The following CLMN variants were observed in gnomAD, a reference collection of about 807,000 sequenced individuals.
CLMN encodes the protein calmin.
In CLMN, 57 loss-of-function variants were observed where a neutral mutation model predicts 92.7. The observed-to-expected ratio is 0.61, with a 90% CI of 0.50 to 0.77. The LOEUF is 0.77. Ranked by LOEUF, CLMN falls within the 30% of genes least tolerant of loss-of-function variation. The pLI is 0.00. For synonymous variants in CLMN, 466 were observed against 470.6 expected (o/e 0.99, Z 0.13); for missense variants, 1,158 against 1,237.5 (o/e 0.94, Z 0.96).
At chr14:95,225,650 C>T (rs895115798) in intron 2 of CLMN, among the ~76,000 whole-genome samples, 46 of 152,234 alleles carry the variant, frequency 3.0e-4, no homozygotes, top group African/African-American at 1.1e-3. Flanking sequence ...GAAACACCTT[C>T]TCTCTGCCCC....
At chr14:95,261,307 G>T (rs150782045) in intron 1 of CLMN, among the ~76,000 whole-genome samples, 5 of 152,180 alleles carry the variant, frequency 3.3e-5, no homozygotes, top group African/African-American at 1.2e-4. Flanking sequence ...CGCTGGGAAC[G>T]TGCGCGTCTG....
At chr14:95,224,147 T>C in intron 2 of CLMN, among the ~76,000 whole-genome samples, 1 of 152,246 alleles carries the variant, frequency 6.6e-6, no homozygotes, top group East Asian at 1.9e-4. Flanking sequence ...ACCCCACGTT[T>C]AGATCACATC....
At chr14:95,245,962 C>G (rs1898555982) in intron 1 of CLMN, among the ~76,000 whole-genome samples, 1 of 152,042 alleles carries the variant, frequency 6.6e-6, no homozygotes, top group Non-Finnish European at 1.5e-5. Flanking sequence ...CTTTTCTACT[C>G]TTTGCATTTG....
At chr14:95,245,830 AGGTG>A (rs1898545338) in intron 1 of CLMN, among the ~76,000 whole-genome samples, 2 of 97,944 alleles carry the variant, frequency 2.0e-5, no homozygotes, top group African/African-American at 8.8e-5. Flanking sequence ...ATGGATGGAT[AGGTG>A]GGTGGGTGGG....
intron 1 of CLMN, among the ~76,000 whole-genome samples, chr14:95,300,957 T>C (rs536666331): frequency 2.6e-5 from 4 of 152,362 alleles, no homozygotes; most frequent in Non-Finnish European, 4.4e-5. Context: ...AGGGCTCTGG[T>C]TGGTTTGACT....
intron 1 of CLMN, among the ~76,000 whole-genome samples, chr14:95,292,530 A>C (rs1212778316): frequency 2.0e-5 from 3 of 146,658 alleles, no homozygotes; most frequent in Non-Finnish European, 3.0e-5. Flanking sequence ...TGTCTCCCTT[A>C]TTGATTTTTG....
chr14:95,311,207 G>A (rs1901522599), intron 1 of CLMN, among the ~76,000 whole-genome samples: 1 of 152,098 alleles, frequency 6.6e-6, no homozygotes, highest in South Asian at 2.1e-4. Context: ...TCACCTCCGA[G>A]CCCCCTCCCC....
chr14:95,210,236 GAGATGGGGTTTCA>G (rs1185650462), intron 7 of CLMN, among the ~76,000 whole-genome samples: 1 of 152,128 alleles, frequency 6.6e-6, no homozygotes, highest in Non-Finnish European at 1.5e-5. Flanking sequence ...ATTATTAGTG[GAGATGGGGTTTCA>G]CCATGTTGGC....
chr14:95,195,369 G>A (rs992989353), intron 10 of CLMN, among the ~76,000 whole-genome samples: 1 of 152,188 alleles, frequency 6.6e-6, no homozygotes, highest in Non-Finnish European at 1.5e-5. Context: ...GGGAGTCAAA[G>A]GCCAAGTGGG....
chr14:95,189,300 C>A lies in CLMN; in HGVS notation c.*2264G>T, dbSNP rs1030559083. The A allele has an allele frequency of 3.3e-5, 5 of 152,204 alleles. No homozygotes were observed. Among genetic ancestry groups the A allele is most frequent in the African/African-American group, 4.8e-5 (2 of 41,454 alleles). The allele number at this position is 152,204 out of a possible 1,614,324, so 9.4% of individuals were successfully genotyped here. On this transcript the variant is annotated 3_prime_UTR_variant, in exon 13 of 13. Transcript: ENST00000298912. Reference sequence around the variant, plus strand: ...AGAGTTGAAAGTGGTTACTTCTAAGCAGCGAGACTTAGGGGACTGCTAGTT... The same window carrying A: ...AGAGTTGAAAGTGGTTACTTCTAAGAAGCGAGACTTAGGGGACTGCTAGTT...
intron 1 of CLMN, among the ~76,000 whole-genome samples, chr14:95,267,833 T>C (rs1483827067): frequency 1.3e-5 from 2 of 152,202 alleles, no homozygotes; most frequent in Non-Finnish European, 2.9e-5. Flanking sequence ...AATGGAATAT[T>C]ATTCGGCCAT....
At chr14:95,317,085 G>A (rs1901814784) in intron 1 of CLMN, among the ~76,000 whole-genome samples, 1 of 152,166 alleles carries the variant, frequency 6.6e-6, no homozygotes, top group Non-Finnish European at 1.5e-5. Flanking sequence ...GAAGAACAAG[G>A]CCCCTGCTGG....
intron 1 of CLMN, among the ~76,000 whole-genome samples, chr14:95,242,538 G>A (rs937529510): frequency 5.3e-5 from 8 of 151,082 alleles, no homozygotes; most frequent in Admixed American, 1.3e-4. Context: ...GGGATTACAG[G>A]CATGAGCCAC....
rs115357251 is a variant in CLMN, at chr14:95,295,770, C to T, written c.82+23941G>A. On this transcript the variant is annotated intron_variant, in intron 1 of 12. Coordinates refer to ENST00000298912, the MANE Select transcript of CLMN (RefSeq NM_024734.4). The stretch of plus-strand genomic sequence containing the variant: ...GAATGACCCACAAACAAGTCAAGTT[C>T]GGTCCTACCTCAGGACCTTTGCACT... Among the ~76,000 whole-genome samples, 315 of 152,332 alleles carry T rather than the reference C, an allele frequency of 2.1e-3. 5 individuals are homozygous for T. The highest frequency in any genetic ancestry group is 7.2e-3 in the African/African-American group (298 of 41,576).
intron 1 of CLMN, among the ~76,000 whole-genome samples, chr14:95,267,613 G>A (rs1466921417): frequency 6.6e-6 from 1 of 152,096 alleles, no homozygotes; most frequent in Non-Finnish European, 1.5e-5. Context: ...CCACTATGAA[G>A]ATTCGTCAAA....
intron 1 of CLMN, among the ~76,000 whole-genome samples, chr14:95,270,299 A>G (rs1899656591): frequency 6.6e-6 from 1 of 152,224 alleles, no homozygotes; most frequent in African/African-American, 2.4e-5. Context: ...GATATAATTC[A>G]CATGCAATAT....
At position 95,239,322 on chromosome 14, in the gene CLMN, C is replaced by T. The variant is rs941351746; in HGVS notation, c.83-9189G>A. On this transcript the variant is annotated intron_variant, in intron 1 of 12. Transcript: ENST00000298912. ...GGCAGGTTTGAGAAGAAGGAATGAA[C>T]GCAGGGAAGGAAGGAGATGGGTAAG... Among the ~76,000 whole-genome samples, 6 of 150,984 alleles carry T rather than the reference C, an allele frequency of 4.0e-5. No homozygotes were observed. In the East Asian group the frequency reaches 5.8e-4, roughly 15 times the overall value.
At chr14:95,301,358 A>G (rs1201326304) in intron 1 of CLMN, among the ~76,000 whole-genome samples, 3 of 152,166 alleles carry the variant, frequency 2.0e-5, no homozygotes, top group Non-Finnish European at 4.4e-5. Flanking sequence ...TGCGGGGGGA[A>G]TTTTTGACTG....
chr14:95,255,984 G>A (rs77408335), intron 1 of CLMN, among the ~76,000 whole-genome samples: 12,774 of 152,204 alleles, frequency 0.084, 541 homozygotes, highest in South Asian at 0.094. Flanking sequence ...CCTTTAATCC[G>A]TATTCTTTTA....
Sources: allele counts gnomAD v4.1 joint callset (sites outside exome capture counted in the v4.1 genomes callset), GRCh38; gene constraint gnomAD v4.1.1; transcripts MANE v1.5; gene names NCBI Gene and HGNC (gene_info 2026-07-23, HGNC 2026-07-21).